The following GRIA4 variants were observed in gnomAD, a reference collection of about 807,000 sequenced individuals.
GRIA4 encodes the protein glutamate receptor 4.
Under a neutral mutation model 104.0 loss-of-function variants are expected in GRIA4, and 34 were observed. The observed-to-expected ratio is 0.33, with a 90% confidence interval of 0.25 to 0.44. GRIA4 has a LOEUF of 0.44. Ranked by LOEUF, GRIA4 falls within the 20% of genes least tolerant of loss-of-function variation. The pLI is 1.00. For missense variants in GRIA4, 750 were observed against 1,096.5 expected, an observed-to-expected ratio of 0.68 and a Z score of 4.46; for synonymous variants, 386 against 381.9, an observed-to-expected ratio of 1.01 and a Z score of -0.13.
At chr11:105,954,204 G>A (rs1565363162) in intron 14 of GRIA4, among the ~76,000 whole-genome samples, 1 of 152,160 alleles carries the variant, frequency 6.6e-6, no homozygotes, top group Non-Finnish European at 1.5e-5. Flanking sequence ...CCTGTGACTA[G>A]AGGGACAAAA....
chr11:105,666,913 C>T (rs1443016378), intron 3 of GRIA4, among the ~76,000 whole-genome samples: 1 of 151,744 alleles, frequency 6.6e-6, no homozygotes, highest in African/African-American at 2.4e-5. Context: ...TACCTTTTAT[C>T]TCTGTGGGGT....
intron 7 of GRIA4, among the ~76,000 whole-genome samples, chr11:105,900,831 C>T (rs774413155): frequency 6.6e-6 from 1 of 152,148 alleles, no homozygotes; most frequent in African/African-American, 2.4e-5. Context: ...CTCAAGTGAT[C>T]TGTCCCAAAG....
chr11:105,756,259 T>G (rs1294949106), intron 4 of GRIA4, among the ~76,000 whole-genome samples: 1 of 152,158 alleles, frequency 6.6e-6, no homozygotes, highest in African/African-American at 2.4e-5. Context: ...GTCTTTCAGA[T>G]AGAGGTGGAA....
At chr11:105,658,332 T>A (rs1951905977) in intron 3 of GRIA4, among the ~76,000 whole-genome samples, 1 of 151,900 alleles carries the variant, frequency 6.6e-6, no homozygotes, top group African/African-American at 2.4e-5. Context: ...ACAGCTTTCT[T>A]CTTTTTAAAC....
At chr11:105,875,783 GT>G (rs1945796967) in intron 5 of GRIA4, among the ~76,000 whole-genome samples, 3 of 152,056 alleles carry the variant, frequency 2.0e-5, no homozygotes, top group African/African-American at 7.2e-5. Flanking sequence ...TTTTTACCGT[GT>G]CTATTTGATT....
rs560569728 is a variant in GRIA4 at position 105,906,639 on chromosome 11, C to T, written c.1158+1338C>T. 5.5e-4 allele frequency among the ~76,000 whole-genome samples: 83 copies of T among 152,232 alleles called. 1 individual carries two copies. Among genetic ancestry groups the T allele is most frequent in the Middle Eastern group, 3.4e-3 (1 of 294 alleles). ...TCCATCTTCTTAATGGCATAGCCCT[C>T]GTGCAGGCTGCCAGCTAATACGTGG... On this transcript the variant is annotated intron_variant, in intron 9 of 16. Transcript: ENST00000282499.
At chr11:105,740,416 T>C (rs1020216390) in intron 3 of GRIA4, among the ~76,000 whole-genome samples, 1 of 152,204 alleles carries the variant, frequency 6.6e-6, no homozygotes, top group Non-Finnish European at 1.5e-5. Flanking sequence ...TTCTCTTCCT[T>C]TCTTATTTCT....
chr11:105,784,574 G>C (rs972348871), intron 4 of GRIA4, among the ~76,000 whole-genome samples: 1 of 152,194 alleles, frequency 6.6e-6, no homozygotes, highest in African/African-American at 2.4e-5. Context: ...GCGTGAATGA[G>C]AGGTATTTAG....
chr11:105,818,574 G>A (rs1239251746), intron 4 of GRIA4, among the ~76,000 whole-genome samples: 2 of 152,100 alleles, frequency 1.3e-5, no homozygotes, highest in African/African-American at 4.8e-5. Flanking sequence ...AGCATTCCCA[G>A]AATGTTCACA....
At chr11:105,793,840 C>G (rs1420753817) in intron 4 of GRIA4, among the ~76,000 whole-genome samples, 2 of 152,040 alleles carry the variant, frequency 1.3e-5, no homozygotes, top group Non-Finnish European at 2.9e-5. Context: ...TCACTCTTGC[C>G]AACTGTCCAA....
At chr11:105,650,292 T>C (rs1951648419) in intron 3 of GRIA4, among the ~76,000 whole-genome samples, 1 of 152,146 alleles carries the variant, frequency 6.6e-6, no homozygotes, top group Non-Finnish European at 1.5e-5. Context: ...ATTGTAAATC[T>C]CAATGAGGGT....
At chr11:105,674,021 A>C (rs984777982) in intron 3 of GRIA4, among the ~76,000 whole-genome samples, 8 of 152,048 alleles carry the variant, frequency 5.3e-5, no homozygotes, top group African/African-American at 9.7e-5. Flanking sequence ...AATTATCTGC[A>C]TATGTAATCA....
intron 3 of GRIA4, among the ~76,000 whole-genome samples, chr11:105,729,103 C>G (rs187146377): frequency 1.4e-5 from 2 of 143,838 alleles, no homozygotes; most frequent in Admixed American, 1.5e-4. Context: ...TGATATACTG[C>G]TAGTCAAACT....
At chr11:105,918,092 G>A (rs560971284) in intron 10 of GRIA4, among the ~76,000 whole-genome samples, 4 of 152,068 alleles carry the variant, frequency 2.6e-5, no homozygotes, top group South Asian at 2.1e-4. Context: ...CAAAATACTG[G>A]ACAACATTAG....
intron 5 of GRIA4, among the ~76,000 whole-genome samples, chr11:105,882,356 C>T (rs1946098170): frequency 6.6e-6 from 1 of 152,082 alleles, no homozygotes; most frequent in South Asian, 2.1e-4. Flanking sequence ...ATGATCACAG[C>T]CTGGTAGTAA....
intron 4 of GRIA4, among the ~76,000 whole-genome samples, chr11:105,756,226 G>A (rs1940302552): frequency 6.6e-6 from 1 of 152,120 alleles, no homozygotes; most frequent in East Asian, 1.9e-4. Flanking sequence ...TAAAATTACA[G>A]ATACCAACTG....
chr11:105,704,043 A>C (rs1265701232), intron 3 of GRIA4, among the ~76,000 whole-genome samples: 1 of 152,018 alleles, frequency 6.6e-6, no homozygotes, highest in Non-Finnish European at 1.5e-5. Flanking sequence ...TATGTCTATA[A>C]ATATACTGAA....
chr11:105,749,060 A>G (rs1368820760), intron 3 of GRIA4, among the ~76,000 whole-genome samples: 1 of 152,218 alleles, frequency 6.6e-6, no homozygotes, highest in Non-Finnish European at 1.5e-5. Context: ...GAGCAGAGTA[A>G]GAAGTGTTCA....
chr11:105,946,578 C>T (rs372389386), intron 14 of GRIA4, among the ~76,000 whole-genome samples: 13 of 151,498 alleles, frequency 8.6e-5, no homozygotes, highest in African/African-American at 2.9e-4. Context: ...ACAGCCAGAC[C>T]CTGTCTCAAA....
Sources: gnomAD v4.1 joint callset for allele counts (sites outside exome capture counted in the v4.1 genomes callset) on GRCh38, gnomAD v4.1.1 for gene constraint, MANE v1.5 for transcripts, NCBI Gene and HGNC (gene_info 2026-07-23, HGNC 2026-07-21) for gene names.